PRKN: variants seen among roughly 807,000 people sequenced by gnomAD.
PRKN encodes the protein parkin RBR E3 ubiquitin protein ligase, also known as E3 ubiquitin-protein ligase parkin.
A neutral mutation model predicts 59.5 loss-of-function variants in PRKN; 56 were observed. The ratio of observed to expected loss-of-function variants is 0.94; its 90% CI spans 0.76 to 1.18. The LOEUF is 1.18. PRKN is among the 50% of genes most tolerant of loss of function. The probability of loss-of-function intolerance (pLI) is 0.00; values close to 1 mark genes in which losing one functional copy is unlikely to be tolerated. For synonymous variants in PRKN, 250 were observed against 222.1 expected (o/e 1.13, Z -1.12); for missense variants, 657 against 596.4 (o/e 1.10, Z -1.06).
At chr6:162,685,225 T>C (rs1779925526) in intron 1 of PRKN, among the ~76,000 whole-genome samples, 1 of 152,170 alleles carries the variant, frequency 6.6e-6, no homozygotes, top group African/African-American at 2.4e-5. Context: ...AGATGTGTAC[T>C]GCAATAAATC....
chr6:162,538,690 T>C (rs1778811332), intron 1 of PRKN, among the ~76,000 whole-genome samples: 1 of 152,138 alleles, frequency 6.6e-6, no homozygotes, highest in South Asian at 2.1e-4. Context: ...GATCAACCGA[T>C]CTACAGAGTA....
chr6:162,405,989 T>C (rs779071919), intron 2 of PRKN, among the ~76,000 whole-genome samples: 1 of 152,184 alleles, frequency 6.6e-6, no homozygotes, highest in Non-Finnish European at 1.5e-5. Context: ...AGCAATGGAA[T>C]GGACCCTCCT....
At chr6:162,603,375 G>A (rs1781784355) in intron 1 of PRKN, among the ~76,000 whole-genome samples, 1 of 152,142 alleles carries the variant, frequency 6.6e-6, no homozygotes, top group African/African-American at 2.4e-5. Context: ...CCAGAGGTTG[G>A]CAAACTACAG....
rs1256725133 is a variant in PRKN at position 162,570,917 on chromosome 6, T to A, written c.8-127444A>T. 4.6e-5 allele frequency among the ~76,000 whole-genome samples: 7 copies of A among 152,326 alleles called. No individual in the cohort carries two copies. In the East Asian group the frequency reaches 1.2e-3, roughly 25 times the overall value. ...TCAATAATAACTTAATTGTGTATTTTAAAATAACTTAAAGAGTGTAATTGG... is the reference window on the plus strand; with the variant it reads ...TCAATAATAACTTAATTGTGTATTTAAAAATAACTTAAAGAGTGTAATTGG... On this transcript the variant is annotated intron_variant, in intron 1 of 11. Transcript: ENST00000366898.
At position 162,455,658 on chromosome 6, in the gene PRKN, TA is replaced by T. The variant is rs376900400; in HGVS notation, c.8-12186del. 5.6e-4 allele frequency among the ~76,000 whole-genome samples: 85 copies of T among 152,290 alleles called. 3 individuals are homozygous for T. The South Asian group carries it at 0.017, about 30-fold the overall frequency. On this transcript the variant is annotated intron_variant, in intron 1 of 11. Transcript: ENST00000366898. The stretch of plus-strand genomic sequence containing the variant: ...GGGGGCCCATTTTTTTCTGAAAAAT[TA>T]ACTCCTATTGGCTGTCTGATTTGAA...
intron 1 of PRKN, among the ~76,000 whole-genome samples, chr6:162,529,681 C>A (rs145986077): frequency 6.6e-6 from 1 of 152,264 alleles, no homozygotes; most frequent in Non-Finnish European, 1.5e-5. Context: ...ACCCACCACA[C>A]CCAGGGCTTA....
intron 1 of PRKN, among the ~76,000 whole-genome samples, chr6:162,704,546 A>C (rs1778272043): frequency 6.6e-6 from 1 of 152,224 alleles, no homozygotes; most frequent in Non-Finnish European, 1.5e-5. Context: ...TGATGCCTTA[A>C]AATGTCTTTA....
chr6:162,300,308 C>G (rs1781885251), intron 2 of PRKN, among the ~76,000 whole-genome samples: 1 of 151,070 alleles, frequency 6.6e-6, no homozygotes, highest in Non-Finnish European at 1.5e-5. Context: ...TAAACTATTT[C>G]AGAGATGTGA....
rs373703677 is a variant in PRKN at position 161,352,726 on chromosome 6, A to AGTGTGTGT, written c.1286-2523_1286-2516dup. Reference sequence around the variant, plus strand: ...TATATAAACACAAATATGTATGAAGAGTGTGTGTGTGTGTGTGTGTGTGTG... The same window carrying AGTGTGTGT: ...TATATAAACACAAATATGTATGAAGAGTGTGTGTGTGTGTGTGTGTGTGTGTGTGTGTG... On this transcript the variant is annotated intron_variant, in intron 11 of 11. Coordinates refer to ENST00000366898, the MANE Select transcript of PRKN (RefSeq NM_004562.3). The surrounding 1 kb of genome is among the most constrained non-coding windows in gnomAD (Gnocchi z 5.8). 5.2e-3 allele frequency among the ~76,000 whole-genome samples: 668 copies of AGTGTGTGT among 128,498 alleles called. 8 individuals are homozygous for AGTGTGTGT. Among genetic ancestry groups the AGTGTGTGT allele is most frequent in the African/African-American group, 0.015 (505 of 32,872 alleles). The allele number at this position is 128,498 out of a possible 152,430, so 84.3% of individuals were successfully genotyped here. A position where few individuals can be genotyped will look rare whatever the true frequency, so the allele number is the denominator to read the frequency against.
chr6:162,416,254 C>T (rs1788625492), intron 2 of PRKN, among the ~76,000 whole-genome samples: 1 of 152,144 alleles, frequency 6.6e-6, no homozygotes, highest in South Asian at 2.1e-4. Context: ...CATTTAAGTG[C>T]TTTCCATATT....
chr6:161,673,113 C>G (rs1188487784), intron 7 of PRKN, among the ~76,000 whole-genome samples: 1 of 152,160 alleles, frequency 6.6e-6, no homozygotes, highest in African/African-American at 2.4e-5. Flanking sequence ...GCTGTCCACT[C>G]GGCCCGGCAC....
intron 5 of PRKN, among the ~76,000 whole-genome samples, chr6:162,029,380 T>C (rs1783555306): frequency 6.6e-6 from 1 of 152,190 alleles, no homozygotes; most frequent in Non-Finnish European, 1.5e-5. Context: ...AAGGTTGTAT[T>C]TTATGTCTCT....
intron 2 of PRKN, chr6:162,275,121 G>A (rs1001307394): frequency 6.6e-6 from 1 of 151,304 alleles, no homozygotes; most frequent in East Asian, 2.0e-4. Flanking sequence ...TGATTCTACA[G>A]GCTTGACTAG....
intron 1 of PRKN, among the ~76,000 whole-genome samples, chr6:162,465,679 C>A (rs538078759): frequency 6.6e-6 from 1 of 152,162 alleles, no homozygotes; most frequent in East Asian, 1.9e-4. Flanking sequence ...GAAATAATGT[C>A]AAGTGACAAT....
intron 6 of PRKN, among the ~76,000 whole-genome samples, chr6:161,791,955 C>G (rs1381104985): frequency 1.3e-5 from 2 of 152,204 alleles, no homozygotes; most frequent in Admixed American, 1.3e-4. Flanking sequence ...TGTGCTCTTA[C>G]AGATCACTTG....
At chr6:161,874,944 T>TAATG (rs1180476658) in intron 6 of PRKN, among the ~76,000 whole-genome samples, 1 of 85,706 alleles carries the variant, frequency 1.2e-5, no homozygotes, top group Non-Finnish European at 1.9e-5. Flanking sequence ...ATATAATATA[T>TAATG]TATAGGTACT....
intron 7 of PRKN, among the ~76,000 whole-genome samples, chr6:161,752,746 T>C (rs1788748805): frequency 6.6e-6 from 1 of 152,154 alleles, no homozygotes; most frequent in African/African-American, 2.4e-5. Flanking sequence ...GATTGTAGTA[T>C]ATCCAAGAAA....
rs773906056 is a variant in PRKN, at chr6:161,355,727, G to A, written c.1285+4361C>T. Among the ~76,000 whole-genome samples, 41 of 152,276 alleles carry A rather than the reference G, an allele frequency of 2.7e-4. No homozygotes were observed. The highest frequency in any genetic ancestry group is 6.8e-3 in the Middle Eastern group (2 of 294). On this transcript the variant is annotated intron_variant, in intron 11 of 11. Coordinates refer to ENST00000366898, the MANE Select transcript of PRKN (RefSeq NM_004562.3). The surrounding 1 kb of genome is among the most constrained non-coding windows in gnomAD (Gnocchi z 6.8). ...GGCCTACAAGCTAAGTTTTAATTCA[G>A]CAAATATTTTTTGTCCGGGCTCTCT...
intron 2 of PRKN, among the ~76,000 whole-genome samples, chr6:162,438,660 A>C (rs1344136574): frequency 6.6e-6 from 1 of 152,200 alleles, no homozygotes; most frequent in East Asian, 1.9e-4. Context: ...TGTAATTAGA[A>C]CAATGTTAGC....
Sources: allele counts gnomAD v4.1 joint callset (sites outside exome capture counted in the v4.1 genomes callset), GRCh38; gene constraint gnomAD v4.1.1; non-coding constraint Gnocchi (gnomAD v3.1); transcripts MANE v1.5; gene names NCBI Gene and HGNC (gene_info 2026-07-23, HGNC 2026-07-21).